STK3: variants seen among roughly 807,000 people sequenced by gnomAD.
STK3 encodes the protein serine/threonine kinase 3, also known as serine/threonine-protein kinase 3.
STK3 carries 41 observed loss-of-function variants against 58.0 expected under a neutral mutation model. The observed-to-expected ratio is 0.71, with a 90% confidence interval of 0.55 to 0.92. The LOEUF (loss-of-function observed/expected upper bound fraction) is 0.92. Ranked by LOEUF, STK3 falls within the 40% of genes least tolerant of loss-of-function variation. The pLI is 0.00. For missense variants in STK3, 479 were observed against 602.7 expected, an observed-to-expected ratio of 0.79 and a Z score of 2.15; for synonymous variants, 170 against 191.0, an observed-to-expected ratio of 0.89 and a Z score of 0.91.
chr8:98,579,209 G>T (rs998776232), intron 8 of STK3, among the ~76,000 whole-genome samples: 1 of 151,960 alleles, frequency 6.6e-6, no homozygotes, highest in Non-Finnish European at 1.5e-5. Flanking sequence ...ATTTTATTTC[G>T]TTATTTAAAT....
chr8:98,621,484 A>G (rs1238642028), intron 6 of STK3, among the ~76,000 whole-genome samples: 2 of 152,116 alleles, frequency 1.3e-5, no homozygotes, highest in African/African-American at 4.8e-5. Flanking sequence ...TCCCAACATT[A>G]GGGGAAAACA....
intron 4 of STK3, among the ~76,000 whole-genome samples, chr8:98,747,626 TAATA>T (rs1247184611): frequency 1.3e-5 from 2 of 152,158 alleles, no homozygotes; most frequent in African/African-American, 4.8e-5. Context: ...TCTTTTTGGA[TAATA>T]AATAAATGAA....
chr8:98,904,347 C>T (rs1250341377), intron 1 of STK3, among the ~76,000 whole-genome samples: 3 of 152,024 alleles, frequency 2.0e-5, no homozygotes, highest in Non-Finnish European at 4.4e-5. Context: ...TAATCCTTAC[C>T]TAGGGCTGTT....
At chr8:98,762,203 C>T (rs1830662712) in intron 3 of STK3, among the ~76,000 whole-genome samples, 1 of 152,206 alleles carries the variant, frequency 6.6e-6, no homozygotes, top group African/African-American at 2.4e-5. Flanking sequence ...TTTCTTCCAG[C>T]TGAGTGAAAG....
intron 10 of STK3, among the ~76,000 whole-genome samples, chr8:98,521,558 T>C (rs1462064394): frequency 6.6e-6 from 1 of 152,162 alleles, no homozygotes; most frequent in African/African-American, 2.4e-5. Flanking sequence ...ATACTTTTCA[T>C]CATGTCATCC....
rs552904623 is a variant in STK3 at position 98,936,275 on chromosome 8, G to T, written c.-79+6103C>A. ...TTAATTTGCAGATTCAGACACAGAG[G>T]GTTCAACAAGCAACATGACTTGCCC... On this transcript the variant is annotated intron_variant, in intron 1 of 1. Coordinates refer to the STK3 transcript ENST00000519420. Among the ~76,000 whole-genome samples the T allele has an allele frequency of 5.3e-5, 8 of 152,086 alleles. No homozygotes were observed. In the South Asian group the frequency reaches 1.7e-3, roughly 32 times the overall value.
At chr8:98,583,857 G>C (rs1814169972) in intron 7 of STK3, among the ~76,000 whole-genome samples, 2 of 151,914 alleles carry the variant, frequency 1.3e-5, no homozygotes, top group South Asian at 4.2e-4. Context: ...GTGTGTGTGT[G>C]TGTGTGTGTG....
Position 98,425,138 on chromosome 8 carries a change from CAG to C in STK3, n.483+8987_483+8988del, listed in dbSNP as rs1489042489. ...CTCAGCAAGGGTGGCACTCTCTCCA[CAG>C]CACCCCCATGGGGATGAAGGAGATC... On this transcript the variant is annotated intron_variant and non_coding_transcript_variant, in intron 3 of 3. Transcript: ENST00000517832. Among the ~76,000 whole-genome samples, 3 of 152,234 alleles carry C rather than the reference CAG, an allele frequency of 2.0e-5. No homozygotes were observed. In the East Asian group the frequency reaches 5.8e-4, roughly 29 times the overall value.
chr8:98,758,038 G>A (rs1028224380), intron 3 of STK3, among the ~76,000 whole-genome samples: 2 of 152,148 alleles, frequency 1.3e-5, no homozygotes, highest in African/African-American at 4.8e-5. Context: ...AGGGGAGAGA[G>A]TTTCACTCAA....
chr8:98,895,126 TG>T (rs1359568200), intron 1 of STK3, among the ~76,000 whole-genome samples: 1 of 152,198 alleles, frequency 6.6e-6, no homozygotes, highest in Non-Finnish European at 1.5e-5. Context: ...AAGACACAGA[TG>T]TTTATCTGCT....
chr8:98,357,088 C>A, the STK3 span, among the ~76,000 whole-genome samples: 1 of 152,146 alleles, frequency 6.6e-6, no homozygotes, highest in Admixed American at 6.5e-5. Flanking sequence ...AGTCTTTGTG[C>A]TTTTTATTCT....
intron 1 of STK3, among the ~76,000 whole-genome samples, chr8:98,931,921 A>G (rs1266779025): frequency 6.6e-6 from 1 of 152,200 alleles, no homozygotes; most frequent in African/African-American, 2.4e-5. Context: ...ACCAAAGCAC[A>G]ATTTTGGGTG....
chr8:98,924,926 C>T (rs376136793), intron 1 of STK3, among the ~76,000 whole-genome samples: 8 of 152,074 alleles, frequency 5.3e-5, no homozygotes, highest in East Asian at 1.9e-4. Flanking sequence ...GTGTAAGGCA[C>T]GGTATGGTAC....
intron 1 of STK3, among the ~76,000 whole-genome samples, chr8:98,809,942 T>C (rs1156940640): frequency 6.6e-6 from 1 of 152,216 alleles, no homozygotes; most frequent in African/African-American, 2.4e-5. Context: ...CTGCAGGCTA[T>C]ACAGGAAGCA....
rs757483119 is a variant in STK3, at chr8:98,455,904, C to T, written c.1414G>A (p.Ala472Thr). The change falls in exon 11 of 11, where the codon GCG (alanine) becomes ACG (threonine). Residue 472 changes from alanine to threonine, a missense_variant. Coordinates refer to ENST00000419617, the MANE Select transcript of STK3 (RefSeq NM_006281.4). ...GCATCCAGAATGGGCTGTCTTTTCG[C>T]AGTGTATCTCTGACGAAGTTCTTCT... ...EIEELRQRYT[A>T]KRQPILDAMD... is the part of the protein sequence containing the mutation. The T allele has an allele frequency of 1.2e-6, 2 of 1,613,702 alleles. No homozygotes were observed. The highest frequency in any genetic ancestry group is 3.3e-5 in the Admixed American group (2 of 59,978).
chr8:98,739,949 C>A lies in STK3; in HGVS notation c.351+9327G>T, dbSNP rs1829037348. Among the ~76,000 whole-genome samples, 6 of 151,994 alleles carry A rather than the reference C, an allele frequency of 3.9e-5. No homozygotes were observed. The South Asian group carries it at 1.3e-3, about 32-fold the overall frequency. On this transcript the variant is annotated intron_variant, in intron 4 of 10. Coordinates refer to ENST00000419617, the MANE Select transcript of STK3 (RefSeq NM_006281.4). The stretch of plus-strand genomic sequence containing the variant: ...AGGCTCGAGAACTACGTGAAGAATG[C>A]AGAAGCCTCAGGAGCCGATGCGATC...
chr8:98,915,039 C>T lies in STK3; in HGVS notation c.-79+27339G>A, dbSNP rs149708350. Among the ~76,000 whole-genome samples the T allele has an allele frequency of 7.0e-3, 1,069 of 152,108 alleles. 9 individuals carry two copies. Among genetic ancestry groups the T allele is most frequent in the African/African-American group, 0.024 (999 of 41,480 alleles). ...TTCTTCTCTAAAAGTGTAGATTAGA[C>T]ACCCACCTCAAAGGAAAGGGTGGTT... On this transcript the variant is annotated intron_variant, in intron 1 of 1. Coordinates refer to the STK3 transcript ENST00000519420.
intron 10 of STK3, chr8:98,526,359 A>C (rs1362406960): frequency 6.5e-6 from 1 of 153,292 alleles, no homozygotes; most frequent in African/African-American, 2.4e-5. Flanking sequence ...CAAATTCTCA[A>C]ACTCTATGTC....
At chr8:98,710,508 T>A (rs182525112) in intron 4 of STK3, among the ~76,000 whole-genome samples, 9 of 152,358 alleles carry the variant, frequency 5.9e-5, no homozygotes, top group African/African-American at 1.9e-4. Flanking sequence ...CGCGCCTGGC[T>A]TGGAGGGTCC....
Sources: allele counts gnomAD v4.1 joint callset (sites outside exome capture counted in the v4.1 genomes callset), GRCh38; gene constraint gnomAD v4.1.1; transcripts MANE v1.5; gene names NCBI Gene and HGNC (gene_info 2026-07-23, HGNC 2026-07-21).